The following ALK variants were observed in gnomAD, a reference collection of about 807,000 sequenced individuals.
ALK encodes ALK tyrosine kinase receptor.
A neutral mutation model predicts 163.1 loss-of-function variants in ALK; 74 were observed. That is an observed-to-expected ratio of 0.45 (90% CI 0.38 to 0.55). ALK has a LOEUF of 0.55. Among genes scored for constraint, ALK ranks in the 20% least tolerant of loss-of-function variants. The pLI, the probability that ALK is intolerant of heterozygous loss-of-function variation, is 0.00. For synonymous variants in ALK, 960 were observed against 843.2 expected (o/e 1.14, Z -2.40); for missense variants, 2,063 against 2,105.3 (o/e 0.98, Z 0.39).
At chr2:29,523,874 T>C (rs1290576060) in intron 4 of ALK, among the ~76,000 whole-genome samples, 2 of 145,668 alleles carry the variant, frequency 1.4e-5, no homozygotes, top group East Asian at 2.0e-4. Flanking sequence ...TTTTTTTTTT[T>C]TTTTTTTTTT....
chr2:29,774,962 A>G (rs935152815), intron 1 of ALK, among the ~76,000 whole-genome samples: 34 of 152,238 alleles, frequency 2.2e-4, no homozygotes, highest in African/African-American at 8.0e-4. Context: ...TCATTCTATA[A>G]TTAAAAGAAT....
In ALK at chr2:29,629,310, C is replaced by T. The variant is rs534339931; in HGVS notation, c.952+65540G>A. ...TACAAACTAACTCTGTATATAAATG[C>T]TAGAAAACTTGAGACCCTCAGGAAA... On this transcript the variant is annotated intron_variant, in intron 3 of 28. Coordinates refer to ENST00000389048, the MANE Select transcript of ALK (RefSeq NM_004304.5). Among the ~76,000 whole-genome samples the T allele has an allele frequency of 1.7e-4, 26 of 152,162 alleles. No homozygotes were observed. In the South Asian group the frequency reaches 5.4e-3, roughly 32 times the overall value.
At chr2:29,527,877 T>C (rs1673000219) in intron 4 of ALK, among the ~76,000 whole-genome samples, 1 of 152,080 alleles carries the variant, frequency 6.6e-6, no homozygotes, top group Admixed American at 6.5e-5. Context: ...GGGCTTCATG[T>C]TCCCCATCAG....
chr2:29,602,394 G>C (rs1056113524), intron 3 of ALK, among the ~76,000 whole-genome samples: 3 of 152,148 alleles, frequency 2.0e-5, no homozygotes, highest in Non-Finnish European at 4.4e-5. Context: ...ATCCTATTTT[G>C]AATGAACTCT....
chr2:29,216,588 G>A (rs1669613305), intron 23 of ALK, among the ~76,000 whole-genome samples: 1 of 152,102 alleles, frequency 6.6e-6, no homozygotes, highest in Non-Finnish European at 1.5e-5. Context: ...GCAAGCGTGG[G>A]TTATGGGGGG....
At chr2:29,336,127 G>A (rs1435888234) in intron 5 of ALK, among the ~76,000 whole-genome samples, 2 of 152,168 alleles carry the variant, frequency 1.3e-5, no homozygotes, top group Non-Finnish European at 2.9e-5. Flanking sequence ...TTCCTTGGAG[G>A]CCTGGAGATC....
At position 29,193,140 on chromosome 2, in the gene ALK, C is replaced by T; in HGVS notation, c.*84G>A. ...CACAAAACAAAACGTGACATTTGGT[C>T]TCTGGTTTGTGAAGGAGCCATTGCC... On this transcript the variant is annotated 3_prime_UTR_variant, in exon 29 of 29. Transcript: ENST00000389048. 7.0e-7 allele frequency: 1 copy of T among 1,424,554 alleles called. No homozygotes were observed. The highest frequency in any genetic ancestry group is 9.8e-7 in the Non-Finnish European group (1 of 1,023,578). The allele number at this position is 1,424,554 out of a possible 1,614,324, so 88.2% of individuals were successfully genotyped here. A position where few individuals can be genotyped will look rare whatever the true frequency, so the allele number is the denominator to read the frequency against.
chr2:29,414,179 G>T (rs11682599), intron 4 of ALK, among the ~76,000 whole-genome samples: 15,071 of 152,238 alleles, frequency 0.099, 840 homozygotes, highest in Non-Finnish European at 0.13. Flanking sequence ...ATGGTTGATA[G>T]GTGGTCTGCT....
intron 4 of ALK, among the ~76,000 whole-genome samples, chr2:29,519,483 T>C (rs562121160): frequency 1.3e-5 from 2 of 152,350 alleles, no homozygotes; most frequent in East Asian, 3.9e-4. Flanking sequence ...CTTGGGTATA[T>C]GATGAAATAC....
At chr2:29,415,183 T>C (rs571778014) in intron 4 of ALK, among the ~76,000 whole-genome samples, 27 of 150,582 alleles carry the variant, frequency 1.8e-4, no homozygotes, top group Admixed American at 6.7e-5. Context: ...TGAGGGATAA[T>C]ACATTAATAA....
At chr2:29,856,098 A>T (rs1666132081) in intron 1 of ALK, among the ~76,000 whole-genome samples, 2 of 152,136 alleles carry the variant, frequency 1.3e-5, no homozygotes, top group Admixed American at 1.3e-4. Context: ...TAATGTATTG[A>T]GGTTCTCTGA....
intron 1 of ALK, among the ~76,000 whole-genome samples, chr2:29,844,307 G>A (rs1316399120): frequency 6.6e-6 from 1 of 152,312 alleles, no homozygotes; most frequent in East Asian, 1.9e-4. Context: ...TGGGGGCAGA[G>A]AGAATGAGCA....
chr2:29,271,037 C>T (rs563208282), intron 11 of ALK, among the ~76,000 whole-genome samples: 129 of 152,172 alleles, frequency 8.5e-4, no homozygotes, highest in Non-Finnish European at 1.1e-3. Context: ...GATTCAGGAA[C>T]GGAGTGACTC....
chr2:29,899,432 A>C (rs780381970), intron 1 of ALK, among the ~76,000 whole-genome samples: 1 of 152,190 alleles, frequency 6.6e-6, no homozygotes, highest in Non-Finnish European at 1.5e-5. Flanking sequence ...TGAGGAAGGC[A>C]GAGTAGAAAG....
At chr2:29,380,471 T>TGG (rs1668868982) in intron 5 of ALK, among the ~76,000 whole-genome samples, 2 of 151,790 alleles carry the variant, frequency 1.3e-5, no homozygotes, top group African/African-American at 4.8e-5. Context: ...CAGGCTGGAG[T>TGG]GCAATGGTGC....
chr2:29,805,739 A>G (rs987631821), intron 1 of ALK, among the ~76,000 whole-genome samples: 7 of 152,040 alleles, frequency 4.6e-5, no homozygotes, highest in Admixed American at 3.3e-4. Flanking sequence ...TATCCAGTCT[A>G]TCGTTGATGG....
At chr2:29,813,171 C>T (rs915882894) in intron 1 of ALK, among the ~76,000 whole-genome samples, 4 of 152,142 alleles carry the variant, frequency 2.6e-5, no homozygotes, top group Non-Finnish European at 5.9e-5. Context: ...CGGCTGACTC[C>T]GACAGAGTAC....
intron 4 of ALK, among the ~76,000 whole-genome samples, chr2:29,425,703 G>A (rs115684742): frequency 0.011 from 1,700 of 152,272 alleles, 18 homozygotes; most frequent in African/African-American, 0.039. Flanking sequence ...CAGAGATTTT[G>A]CCCAGGGAGA....
chr2:29,220,623 A>T (rs1669774368), intron 23 of ALK, 83 bp downstream of exon 23: 1 of 1,601,118 alleles, frequency 6.2e-7, no homozygotes, highest in Admixed American at 1.7e-5. Flanking sequence ...GGAACTTGCT[A>T]CCCAGGCTGC....
Sources: gnomAD v4.1 joint callset for allele counts (sites outside exome capture counted in the v4.1 genomes callset) on GRCh38, gnomAD v4.1.1 for gene constraint, MANE v1.5 for transcripts, NCBI Gene and HGNC (gene_info 2026-07-23, HGNC 2026-07-21) for gene names.